Variants in ANXA10 observed in about 807,000 individuals in gnomAD.
ANXA10 encodes annexin 14.
In ANXA10, 49 loss-of-function variants were observed where a neutral mutation model predicts 53.5. That is an observed-to-expected ratio of 0.92 (90% CI 0.73 to 1.16). The LOEUF (loss-of-function observed/expected upper bound fraction) is 1.16. ANXA10 is among the 50% of genes most tolerant of loss of function. The pLI is 0.00. For missense variants in ANXA10, 393 were observed against 394.4 expected (o/e 1.00, Z 0.03); for synonymous variants, 131 against 128.9 (o/e 1.02, Z -0.11).
chr4:168,093,177 T>C (rs71620487), intron 1 of ANXA10, among the ~76,000 whole-genome samples: 4,617 of 152,262 alleles, frequency 0.03, 109 homozygotes, highest in South Asian at 0.052. Context: ...GAAGTTATCA[T>C]AAGATTTTTT....
At position 168,141,145 on chromosome 4, in the gene ANXA10, A is replaced by G. The variant is rs185141300; in HGVS notation, c.195+1565A>G. ...CTGAAGAACTTTTCACTGTACATAT[A>G]AAGTCTCAGAGTTTGTTAAACCCTC... On this transcript the variant is annotated intron_variant, in intron 3 of 11. Transcript: ENST00000359299. 3.9e-5 allele frequency among the ~76,000 whole-genome samples: 6 copies of G among 152,338 alleles called. No individual in the cohort carries two copies. In the East Asian group the frequency reaches 5.8e-4, roughly 15 times the overall value.
chr4:168,181,681 A>G lies in ANXA10; in HGVS notation c.725-2A>G, dbSNP rs1407975629. 1 of 1,601,364 alleles carries G rather than the reference A, an allele frequency of 6.2e-7. No homozygotes were observed. The highest frequency in any genetic ancestry group is 1.3e-5 in the African/African-American group (1 of 74,698). Reference sequence around the variant, plus strand: ...TCTTCTTCTCTCTCTGATTTCTCCTAGTTCTCTGTGTTCGAGACAAACCAG... The same window carrying G: ...TCTTCTTCTCTCTCTGATTTCTCCTGGTTCTCTGTGTTCGAGACAAACCAG... On this transcript the variant is annotated splice_acceptor_variant, in intron 9 of 11. Coordinates refer to ENST00000359299, the MANE Select transcript of ANXA10 (RefSeq NM_007193.5). LOFTEE classifies it high-confidence loss of function.
intron 1 of ANXA10, among the ~76,000 whole-genome samples, chr4:168,123,796 TA>T (rs201099488): frequency 6.9e-4 from 105 of 151,260 alleles, no homozygotes; most frequent in African/African-American, 2.0e-3. Context: ...CCAACTTCTA[TA>T]AAAAAAAATC....
At chr4:168,121,660 C>G (rs750663647) in intron 1 of ANXA10, among the ~76,000 whole-genome samples, 1 of 151,942 alleles carries the variant, frequency 6.6e-6, no homozygotes. Flanking sequence ...AACAAAATTC[C>G]AAGTTTCATT....
chr4:168,126,637 C>A (rs1731074661), intron 1 of ANXA10, among the ~76,000 whole-genome samples: 1 of 152,098 alleles, frequency 6.6e-6, no homozygotes, highest in Admixed American at 6.6e-5. Flanking sequence ...CCCACACCTT[C>A]TTCTCCAAGG....
chr4:168,175,755 A>T (rs1468909858), intron 6 of ANXA10, among the ~76,000 whole-genome samples: 1 of 152,232 alleles, frequency 6.6e-6, no homozygotes, highest in Non-Finnish European at 1.5e-5. Flanking sequence ...TGACAAACTC[A>T]TGCCTATTTC....
At chr4:168,140,088 C>T (rs1184676989) in intron 3 of ANXA10, among the ~76,000 whole-genome samples, 3 of 152,184 alleles carry the variant, frequency 2.0e-5, no homozygotes, top group African/African-American at 7.2e-5. Context: ...AAAAGAATGG[C>T]AGTTTAAAAA....
intron 3 of ANXA10, among the ~76,000 whole-genome samples, chr4:168,142,971 G>A (rs142488250): frequency 6.6e-6 from 1 of 152,182 alleles, no homozygotes; most frequent in Non-Finnish European, 1.5e-5. Context: ...CCCAGCCCAG[G>A]TCTGGCATAG....
At chr4:168,117,786 A>T (rs1234273730) in intron 1 of ANXA10, among the ~76,000 whole-genome samples, 1 of 152,204 alleles carries the variant, frequency 6.6e-6, no homozygotes, top group Non-Finnish European at 1.5e-5. Context: ...AGTGTTTACC[A>T]ACTTATTCCA....
chr4:168,181,133 G>A (rs562119790), intron 9 of ANXA10, among the ~76,000 whole-genome samples: 1 of 152,182 alleles, frequency 6.6e-6, no homozygotes, highest in Non-Finnish European at 1.5e-5. Flanking sequence ...AGATAAAGAT[G>A]ATAAAGTTTT....
chr4:168,101,830 CTACT>C (rs1009367995), intron 1 of ANXA10, among the ~76,000 whole-genome samples: 1 of 152,044 alleles, frequency 6.6e-6, no homozygotes, highest in African/African-American at 2.4e-5. Flanking sequence ...ATCTACCTTC[CTACT>C]TATCGATTTC....
At chr4:168,165,404 AAAT>A (rs1420512691) in intron 6 of ANXA10, 78 bp downstream of exon 6, 158 of 714,094 alleles carry the variant, frequency 2.2e-4, no homozygotes, top group Admixed American at 1.1e-3. Flanking sequence ...AAAAAAAAAA[AAAT>A]AGAACAGAAA....
intron 8 of ANXA10, 169 bp downstream of exon 8, chr4:168,178,152 T>C (rs2149480860): frequency 3.4e-6 from 2 of 594,560 alleles, no homozygotes; most frequent in Non-Finnish European, 5.9e-6. Context: ...TTTAATGACA[T>C]TACTAAGGAA....
intron 6 of ANXA10, 113 bp from the exon 7 acceptor site, chr4:168,177,627 A>T: frequency 3.9e-6 from 4 of 1,013,574 alleles, no homozygotes; most frequent in Non-Finnish European, 6.1e-6. Flanking sequence ...CCAGATAATA[A>T]AAGAAGTTCC....
intron 2 of ANXA10, among the ~76,000 whole-genome samples, chr4:168,133,806 A>G (rs892657683): frequency 2.0e-5 from 3 of 152,158 alleles, no homozygotes; most frequent in Non-Finnish European, 4.4e-5. Context: ...TAAATACCAC[A>G]TACAATGAGT....
chr4:168,180,627 CAA>C (rs1278156771), intron 9 of ANXA10, among the ~76,000 whole-genome samples: 2 of 152,078 alleles, frequency 1.3e-5, no homozygotes, highest in Non-Finnish European at 2.9e-5. Context: ...AGTAGTGACT[CAA>C]GAGTGATTAT....
In ANXA10 at chr4:168,139,541, G is replaced by A. The variant is rs770332990; in HGVS notation, c.156G>A (p.Arg52=). Residue 52 remains arginine, a synonymous_variant, in exon 3 of 12, where the codon AGG becomes AGA. Transcript: ENST00000359299. ...NILTQRCNAQ[R]MMIAEAYQSM... ...TGACTCAGCGCTGCAATGCACAAAGGATGATGATTGCAGAGGCATACCAGA... is the reference window on the plus strand; with the variant it reads ...TGACTCAGCGCTGCAATGCACAAAGAATGATGATTGCAGAGGCATACCAGA... 6 of 1,612,864 alleles carry A rather than the reference G, an allele frequency of 3.7e-6. No homozygotes were observed. The African/African-American group carries it at 8.0e-5, about 22-fold the overall frequency.
chr4:168,184,621 G>A lies in ANXA10; in HGVS notation c.846G>A (p.Leu282=). ...RILIARSEID[L]LTIRKRYKER... Reference sequence around the variant, plus strand: ...TCATTGCCAGAAGTGAAATAGACCTGCTGACCATAAGGAAACGATACAAAG... The same window carrying A: ...TCATTGCCAGAAGTGAAATAGACCTACTGACCATAAGGAAACGATACAAAG... The change falls in exon 11 of 12, where the codon CTG becomes CTA. Residue 282 remains leucine (L), a synonymous_variant. Transcript: ENST00000359299. 6.2e-7 allele frequency: 1 copy of A among 1,613,972 alleles called. No homozygotes were observed. The highest frequency in any genetic ancestry group is 1.1e-5 in the South Asian group (1 of 91,082).
At chr4:168,185,514 T>C (rs1732353418) in intron 11 of ANXA10, among the ~76,000 whole-genome samples, 1 of 152,200 alleles carries the variant, frequency 6.6e-6, no homozygotes, top group Admixed American at 6.5e-5. Flanking sequence ...AAAGGAGCAA[T>C]GATTCAGTAC....
Sources: gnomAD v4.1 joint callset for allele counts (sites outside exome capture counted in the v4.1 genomes callset) on GRCh38, gnomAD v4.1.1 for gene constraint, MANE v1.5 for transcripts, NCBI Gene and HGNC (gene_info 2026-07-23, HGNC 2026-07-21) for gene names.